The following ZNF512 variants were observed in gnomAD, a reference collection of about 807,000 sequenced individuals.
The protein encoded by ZNF512 is zinc finger protein 512.
A neutral mutation model predicts 77.5 loss-of-function variants in ZNF512; 25 were observed. That is an observed-to-expected ratio of 0.32 (90% CI 0.23 to 0.45). The LOEUF (loss-of-function observed/expected upper bound fraction) is 0.45, where lower values mean the gene tolerates loss of function less well. ZNF512 is among the 20% of genes least tolerant of loss of function. The pLI, the probability that ZNF512 is intolerant of heterozygous loss-of-function variation, is 1.00. For synonymous variants in ZNF512, 246 were observed against 239.9 expected, an observed-to-expected ratio of 1.03 and a Z score of -0.24; for missense variants, 483 against 692.6, an observed-to-expected ratio of 0.70 and a Z score of 3.40.
rs568383084 is a variant in ZNF512, at chr2:27,612,772, C to T, written c.1132-2396C>T. Reference sequence around the variant, plus strand: ...ATACTTCTTTTCATCTTGAGCCTTACAGTATGTAGTGAAAATAGTATTTTC... The same window carrying T: ...ATACTTCTTTTCATCTTGAGCCTTATAGTATGTAGTGAAAATAGTATTTTC... On this transcript the variant is annotated intron_variant, in intron 10 of 13. Coordinates refer to ENST00000355467, the MANE Select transcript of ZNF512 (RefSeq NM_032434.4). Among the ~76,000 whole-genome samples the T allele has an allele frequency of 6.6e-4, 101 of 152,310 alleles. No homozygotes were observed. In the South Asian group the frequency reaches 0.016, roughly 24 times the overall value.
rs1334579761 is a variant in ZNF512, at chr2:27,621,276, C to T, written c.1519C>T (p.Arg507Trp). The change falls in exon 14 of 14, where the codon CGG (arginine) becomes TGG (tryptophan). Residue 507 changes from arginine (R) to tryptophan (W), a missense_variant. By Grantham distance (101) the Arg-to-Trp change is moderately radical. Around this residue, in one of 2 missense-constraint regions of ZNF512, gnomAD observed 324 missense variants for 525.0 expected, o/e 0.62. Coordinates refer to ENST00000355467, the MANE Select transcript of ZNF512 (RefSeq NM_032434.4). The stretch of plus-strand genomic sequence containing the variant: ...CAGGAGCAGAAGGTCTCTAAGAAGG[C>T]GGCAGCAGCCTGGCATTGAGCTTCC... ...QHRSRRSLRR[R>W]QQPGIELPET... 9 of 1,614,010 alleles carry T rather than the reference C, an allele frequency of 5.6e-6. No homozygotes were observed. Among genetic ancestry groups the T allele is most frequent in the South Asian group, 2.2e-5 (2 of 91,082 alleles).
At position 27,623,096 on chromosome 2, in the gene ZNF512, AT is replaced by A. The variant is rs2148053463; in HGVS notation, c.*1636del. 6.5e-6 allele frequency: 1 copy of A among 152,796 alleles called. No homozygotes were observed. Among genetic ancestry groups the A allele is most frequent in the African/African-American group, 2.4e-5 (1 of 41,572 alleles). The allele number at this position is 152,796 out of a possible 1,614,324, so 9.5% of individuals were successfully genotyped here. A position where few individuals can be genotyped will look rare whatever the true frequency, so the allele number is the denominator to read the frequency against. On this transcript the variant is annotated 3_prime_UTR_variant, in exon 14 of 14. Coordinates refer to ENST00000355467, the MANE Select transcript of ZNF512 (RefSeq NM_032434.4). ...AAAGAAATAAATGACTCTCAGAAAG[AT>A]GTTTCCAGTGTTCTTTGACGCCGAC... is the stretch of plus-strand genomic sequence containing the variant.
At chr2:27,596,385 G>T (rs1001147115) in intron 2 of ZNF512, among the ~76,000 whole-genome samples, 9 of 152,210 alleles carry the variant, frequency 5.9e-5, no homozygotes, top group Admixed American at 5.2e-4. Flanking sequence ...ATTGAATTAA[G>T]AGATTCTTTT....
intron 3 of ZNF512, among the ~76,000 whole-genome samples, chr2:27,598,777 C>T (rs185723108): frequency 6.6e-5 from 10 of 152,226 alleles, no homozygotes; most frequent in Admixed American, 6.5e-4. Flanking sequence ...TCTTACTCCT[C>T]TAGATTATAT....
At chr2:27,583,482 G>A (rs1671202146) in intron 1 of ZNF512, 176 bp from the exon 2 acceptor site, 2 of 1,471,642 alleles carry the variant, frequency 1.4e-6, no homozygotes, top group Non-Finnish European at 1.8e-6. Context: ...ATTGTTACCC[G>A]CCTTTGCACT....
Position 27,590,748 on chromosome 2 carries a change from G to T in ZNF512, c.89+7032G>T, listed in dbSNP as rs1671532875. On this transcript the variant is annotated intron_variant, in intron 2 of 13. Coordinates refer to ENST00000355467, the MANE Select transcript of ZNF512 (RefSeq NM_032434.4). Reference sequence around the variant, plus strand: ...TGGCACATTCATTGCTTGCTGGGCTGAAGTGATCCTCCCACCTCAGCCTCC... The same window carrying T: ...TGGCACATTCATTGCTTGCTGGGCTTAAGTGATCCTCCCACCTCAGCCTCC... Among the ~76,000 whole-genome samples, 6 of 152,102 alleles carry T rather than the reference G, an allele frequency of 3.9e-5. No homozygotes were observed. The South Asian group carries it at 1.2e-3, about 32-fold the overall frequency.
At chr2:27,610,582 T>TATATATATATACA (rs1558474959) in intron 10 of ZNF512, among the ~76,000 whole-genome samples, 6 of 52,858 alleles carry the variant, frequency 1.1e-4, no homozygotes, top group Non-Finnish European at 2.1e-4. Flanking sequence ...TTTTTTTTTT[T>TATATATATATACA]TTTTTTTTTT....
rs1673184286 is a variant in ZNF512 at position 27,622,978 on chromosome 2, C to CACA, written c.*1517_*1518insACA. The CACA allele has an allele frequency of 1.3e-5, 2 of 152,730 alleles. No individual in the cohort carries two copies. The highest frequency in any genetic ancestry group is 2.9e-5 in the Non-Finnish European group (2 of 68,032). The allele number at this position is 152,730 out of a possible 1,614,324, so 9.5% of individuals were successfully genotyped here. Reference sequence around the variant, plus strand: ...TTTCATTGGCAGTGTGCCCTTAAAGCCCTTTCAGTAGATGAGGGTTGTCAG... The same window carrying CACA: ...TTTCATTGGCAGTGTGCCCTTAAAGCACACCTTTCAGTAGATGAGGGTTGTCAG... On this transcript the variant is annotated 3_prime_UTR_variant, in exon 14 of 14. Transcript: ENST00000355467.
chr2:27,596,256 G>C (rs539548855), intron 2 of ZNF512, among the ~76,000 whole-genome samples: 1 of 152,210 alleles, frequency 6.6e-6, no homozygotes, highest in Admixed American at 6.5e-5. Context: ...GCTTTGGTTT[G>C]GGTCACATTA....
intron 11 of ZNF512, 60 bp downstream of exon 11, chr2:27,615,329 G>A: frequency 9.0e-7 from 1 of 1,113,236 alleles, no homozygotes; most frequent in South Asian, 1.6e-5. Flanking sequence ...TCTTGCTTCT[G>A]TTATTTATTC....
intron 10 of ZNF512, among the ~76,000 whole-genome samples, chr2:27,611,937 C>T (rs571000546): frequency 6.6e-6 from 1 of 152,208 alleles, no homozygotes; most frequent in Non-Finnish European, 1.5e-5. Flanking sequence ...ATCTTGTGAT[C>T]CACCCCCTAG....
chr2:27,586,522 G>A (rs948534956), intron 2 of ZNF512, among the ~76,000 whole-genome samples: 3 of 152,258 alleles, frequency 2.0e-5, no homozygotes, highest in African/African-American at 4.8e-5. Flanking sequence ...GAGCCACTGC[G>A]CCTGTCCCAT....
intron 2 of ZNF512, among the ~76,000 whole-genome samples, chr2:27,587,559 G>C (rs1671389919): frequency 6.6e-6 from 1 of 151,664 alleles, no homozygotes; most frequent in African/African-American, 2.4e-5. Flanking sequence ...TTACATGCTT[G>C]AGCCACCACA....
Position 27,585,451 on chromosome 2 carries a change from ACCAGATT to A in ZNF512, c.89+1736_89+1742del, listed in dbSNP as rs1671285195. On this transcript the variant is annotated intron_variant, in intron 2 of 13. Transcript: ENST00000355467. ...AAGATTATTAGGCCCCCATCCATTA[ACCAGATT>A]TGGAATCATTGGGTTTAGGGCATAG... Among the ~76,000 whole-genome samples, 3 of 152,302 alleles carry A rather than the reference ACCAGATT, an allele frequency of 2.0e-5. No individual in the cohort carries two copies. The South Asian group carries it at 6.2e-4, about 32-fold the overall frequency.
Position 27,600,823 on chromosome 2 carries a change from AT to A in ZNF512, c.582+12del, listed in dbSNP as rs768024793. ...ATGGAAAACTGCAAGCAGGTTAGAT[AT>A]TTTGGCGTTTCATAACTGTTACGAT... On this transcript the variant is annotated intron_variant, in intron 6 of 13. Transcript: ENST00000355467. 1.9e-6 allele frequency: 3 copies of A among 1,606,306 alleles called. No homozygotes were observed. The highest frequency in any genetic ancestry group is 2.5e-6 in the Non-Finnish European group (3 of 1,177,572).
Position 27,600,056 on chromosome 2 carries a change from A to T in ZNF512, c.457+3A>T. 6.2e-7 allele frequency: 1 copy of T among 1,613,940 alleles called. No homozygotes were observed. ...GGAACCACCAGTTTATGCAGCAGGT[A>T]TGTTTTCTTTTGGAAGTTTTGAGGG... On this transcript the variant is annotated splice_donor_region_variant and intron_variant, in intron 5 of 13. Transcript: ENST00000355467.
chr2:27,616,353 A>G (rs2148044895), intron 12 of ZNF512, 29 bp downstream of exon 12: 1 of 1,563,066 alleles, frequency 6.4e-7, no homozygotes, highest in East Asian at 2.2e-5. Context: ...TTACTATCTT[A>G]ACATGTCCTC....
intron 2 of ZNF512, among the ~76,000 whole-genome samples, chr2:27,589,338 G>A (rs1028856996): frequency 6.6e-6 from 1 of 152,152 alleles, no homozygotes; most frequent in Non-Finnish European, 1.5e-5. Context: ...GTTTTGGTAA[G>A]TAGTATTTTT....
At chr2:27,603,806 C>T (rs1672239678) in intron 9 of ZNF512, among the ~76,000 whole-genome samples, 1 of 151,768 alleles carries the variant, frequency 6.6e-6, no homozygotes, top group South Asian at 2.1e-4. Flanking sequence ...TTATGTAGCA[C>T]AGGCCAGTCG....
Sources: gnomAD v4.1 joint callset for allele counts (sites outside exome capture counted in the v4.1 genomes callset) on GRCh38, gnomAD v4.1.1 for gene constraint, gnomAD v4.1.1 regional missense constraint, MANE v1.5 for transcripts, NCBI Gene and HGNC (gene_info 2026-07-23, HGNC 2026-07-21) for gene names.